The following POC5 variants were observed in gnomAD, a reference collection of about 807,000 sequenced individuals.
POC5 encodes the protein POC5 centriolar protein, also known as centrosomal protein POC5.
In POC5, 48 loss-of-function variants were observed where a neutral mutation model predicts 62.9. The ratio of observed to expected loss-of-function variants is 0.76; its 90% CI spans 0.61 to 0.97. The LOEUF is 0.97. POC5 is among the 50% of genes least tolerant of loss of function. POC5 has a pLI of 0.00. For synonymous variants in POC5, 236 were observed against 228.2 expected, an observed-to-expected ratio of 1.03 and a Z score of -0.31; for missense variants, 696 against 679.5, an observed-to-expected ratio of 1.02 and a Z score of -0.27.
rs1295850977 is a variant in POC5 at position 75,690,512 on chromosome 5, CT to C, written c.845del (p.Lys282ArgfsTer10). The C allele has an allele frequency of 6.2e-7, 1 of 1,603,354 alleles. No homozygotes were observed. Among genetic ancestry groups the C allele is most frequent in the Non-Finnish European group, 8.5e-7 (1 of 1,174,042 alleles). On this transcript the variant is annotated frameshift_variant, in exon 8 of 12. Transcript: ENST00000428202. LOFTEE classifies it high-confidence loss of function. ...CGGAACGCCAGACTTTCCAGACTTT[CT>C]TCAGTAAAGTTCTCTGGTAGTACTG... ...ADQYYQRTLL[K>X]KVWKVWRSVV... is the part of the protein sequence containing the mutation.
chr5:75,676,943 C>T (rs901937401), intron 11 of POC5, among the ~76,000 whole-genome samples: 51 of 152,198 alleles, frequency 3.4e-4, no homozygotes, highest in African/African-American at 1.0e-3. Flanking sequence ...GATTCGTACA[C>T]ATTTGTAGGA....
chr5:75,694,586 T>C, intron 6 of POC5, 69 bp downstream of exon 6: 1 of 1,233,986 alleles, frequency 8.1e-7, no homozygotes, highest in South Asian at 1.8e-5. Flanking sequence ...AAATAATCAT[T>C]TCTTAGAATT....
intron 1 of POC5, among the ~76,000 whole-genome samples, chr5:75,715,892 A>G (rs377766801): frequency 6.4e-4 from 97 of 152,326 alleles, no homozygotes; most frequent in African/African-American, 2.2e-3. Flanking sequence ...CATTAGAACT[A>G]TGGAAGCAAT....
chr5:75,675,616 C>T (rs1218748770), intron 11 of POC5, among the ~76,000 whole-genome samples: 3 of 152,122 alleles, frequency 2.0e-5, no homozygotes, highest in Admixed American at 6.6e-5. Flanking sequence ...CTTATAAAAA[C>T]GTTTATTTGT....
At chr5:75,691,708 C>CAT (rs146150795) in intron 7 of POC5, among the ~76,000 whole-genome samples, 36,750 of 150,662 alleles carry the variant, frequency 0.24, 4,608 homozygotes, top group South Asian at 0.32. Context: ...ACATGGAAAG[C>CAT]ATATATATAT....
Position 75,694,792 on chromosome 5 carries a change from A to C in POC5, c.553T>G (p.Phe185Val), listed in dbSNP as rs1776489622. The change falls in exon 6 of 12, where the codon TTT (phenylalanine) becomes GTT (valine). Residue 185 changes from phenylalanine (F) to valine (V), a missense_variant. Coordinates refer to ENST00000428202, the MANE Select transcript of POC5 (RefSeq NM_001099271.2). ...ATTTCCATTCGGTGCCAGTCAATAAAATTAAGTCTCCATTTACTTAGTTCA... is the reference window on the plus strand; with the variant it reads ...ATTTCCATTCGGTGCCAGTCAATAACATTAAGTCTCCATTTACTTAGTTCA... ...ISELSKWRLN[F>V]IDWHRMEMRK... The C allele has an allele frequency of 1.9e-6, 3 of 1,569,624 alleles. No homozygotes were observed. The highest frequency in any genetic ancestry group is 2.6e-6 in the Non-Finnish European group (3 of 1,145,428).
chr5:75,714,315 G>C (rs906922434), intron 1 of POC5, among the ~76,000 whole-genome samples: 1 of 152,164 alleles, frequency 6.6e-6, no homozygotes, highest in Non-Finnish European at 1.5e-5. Flanking sequence ...CCTGGGGGTG[G>C]AGGCTGCAGT....
intron 10 of POC5, among the ~76,000 whole-genome samples, chr5:75,684,228 A>T (rs1775991214): frequency 6.6e-6 from 1 of 152,240 alleles, no homozygotes; most frequent in Admixed American, 6.5e-5. Context: ...AGGAAAAAGG[A>T]AAGGTGTTAG....
chr5:75,676,174 TAAA>T (rs1184806582), intron 11 of POC5, among the ~76,000 whole-genome samples: 1 of 152,170 alleles, frequency 6.6e-6, no homozygotes, highest in African/African-American at 2.4e-5. Flanking sequence ...GCTTGTCTAA[TAAA>T]AAATAAACAC....
rs1170419775 is a variant in POC5 at position 75,674,471 on chromosome 5, A to C, written c.1692T>G (p.Ser564=). 5.0e-6 allele frequency: 8 copies of C among 1,614,008 alleles called. No individual in the cohort carries two copies. The highest frequency in any genetic ancestry group is 5.1e-6 in the Non-Finnish European group (6 of 1,179,874). ...SLGTRSAHTQ[S]LTSVHSIKVV... is the part of the protein sequence containing the mutation. ...CTTTTATGGAATGAACACTTGTGAGAGACTGGGTGTGAGCTGATCTGGTTC... is the reference window on the plus strand; with the variant it reads ...CTTTTATGGAATGAACACTTGTGAGCGACTGGGTGTGAGCTGATCTGGTTC... Residue 564 remains serine, a synonymous_variant, in exon 12 of 12, where the codon TCT becomes TCG. Coordinates refer to ENST00000428202, the MANE Select transcript of POC5 (RefSeq NM_001099271.2).
At chr5:75,689,463 GT>G (rs1776228188) in intron 8 of POC5, 1 of 984,426 alleles carries the variant, frequency 1.0e-6, no homozygotes, top group Non-Finnish European at 1.2e-6. Context: ...ATTTTTTACT[GT>G]AAAACTTTTA....
intron 9 of POC5, among the ~76,000 whole-genome samples, chr5:75,687,276 C>T (rs1030464796): frequency 1.3e-5 from 2 of 152,284 alleles, no homozygotes; most frequent in Non-Finnish European, 1.5e-5. Context: ...GTGATCCACT[C>T]ACCTCGGCCT....
chr5:75,676,547 C>G (rs1233573817), intron 11 of POC5, among the ~76,000 whole-genome samples: 4 of 151,796 alleles, frequency 2.6e-5, no homozygotes, highest in Non-Finnish European at 4.4e-5. Flanking sequence ...AGCTAGTACT[C>G]GGGAAAAAAG....
intron 5 of POC5, among the ~76,000 whole-genome samples, chr5:75,699,951 G>T (rs1376997049): frequency 3.9e-5 from 6 of 151,920 alleles, no homozygotes; most frequent in Non-Finnish European, 8.8e-5. Context: ...CAAATCATGA[G>T]TGAACTCCCA....
intron 6 of POC5, among the ~76,000 whole-genome samples, chr5:75,693,483 C>A (rs1436971626): frequency 6.6e-6 from 1 of 152,040 alleles, no homozygotes; most frequent in Admixed American, 6.6e-5. Context: ...ACCTGTCTAT[C>A]CACTTTACTC....
At chr5:75,686,336 G>A (rs1455042783) in intron 9 of POC5, among the ~76,000 whole-genome samples, 3 of 152,232 alleles carry the variant, frequency 2.0e-5, no homozygotes, top group African/African-American at 7.2e-5. Context: ...CAGAACATCT[G>A]AACAGAGGGC....
chr5:75,704,014 G>T (rs916075869), intron 4 of POC5, among the ~76,000 whole-genome samples: 3 of 151,756 alleles, frequency 2.0e-5, no homozygotes, highest in Non-Finnish European at 4.4e-5. Flanking sequence ...AATTAGCCAG[G>T]CATGGTGGCA....
chr5:75,697,172 C>A (rs1018497156), intron 5 of POC5, among the ~76,000 whole-genome samples: 13 of 152,156 alleles, frequency 8.5e-5, no homozygotes, highest in African/African-American at 3.1e-4. Context: ...TCTAGCAAGG[C>A]AGGCCAACGC....
intron 11 of POC5, 44 bp downstream of exon 11, chr5:75,677,730 A>C (rs1410546516): frequency 6.7e-7 from 1 of 1,485,186 alleles, no homozygotes; most frequent in African/African-American, 1.4e-5. Flanking sequence ...ATGAACTCTC[A>C]GGAAAAAGAC....
Sources: allele counts gnomAD v4.1 joint callset (sites outside exome capture counted in the v4.1 genomes callset), GRCh38; gene constraint gnomAD v4.1.1; transcripts MANE v1.5; gene names NCBI Gene and HGNC (gene_info 2026-07-23, HGNC 2026-07-21).